Variants in SEMA5A observed in about 807,000 individuals in gnomAD.
The protein encoded by SEMA5A is semaphorin-5A.
Under a neutral mutation model 135.5 loss-of-function variants are expected in SEMA5A, and 55 were observed. That is an observed-to-expected ratio of 0.41 (90% CI 0.33 to 0.51). The LOEUF (loss-of-function observed/expected upper bound fraction) is 0.51, where lower values mean the gene tolerates loss of function less well. SEMA5A is among the 20% of genes least tolerant of loss of function. SEMA5A has a pLI of 0.37. For missense variants in SEMA5A, 1,290 were observed against 1,419.9 expected (o/e 0.91, Z 1.47); for synonymous variants, 580 against 546.5 (o/e 1.06, Z -0.85).
intron 5 of SEMA5A, chr5:9,280,826 A>T (rs961646339): frequency 2.3e-6 from 1 of 430,310 alleles, no homozygotes; most frequent in South Asian, 1.7e-5. Flanking sequence ...AAATTGTTCC[A>T]ATTATGAATA....
At chr5:9,225,568 C>CAAAAAAAAAA (rs3034595) in intron 7 of SEMA5A, among the ~76,000 whole-genome samples, 18 of 112,318 alleles carry the variant, frequency 1.6e-4, no homozygotes, top group African/African-American at 5.4e-4. Context: ...GACTCTGTCT[C>CAAAAAAAAAA]AAAAAAAAAA....
intron 2 of SEMA5A, among the ~76,000 whole-genome samples, chr5:9,393,703 C>T (rs886879858): frequency 2.6e-5 from 4 of 152,072 alleles, no homozygotes; most frequent in Admixed American, 6.6e-5. Context: ...AGGAAAGACA[C>T]GTCTAACAAA....
At chr5:9,460,717 A>G (rs796455136) in intron 1 of SEMA5A, among the ~76,000 whole-genome samples, 3 of 152,296 alleles carry the variant, frequency 2.0e-5, no homozygotes, top group African/African-American at 7.2e-5. Context: ...GAACTCCCAG[A>G]TATTAAGGGA....
At chr5:9,342,885 T>A (rs1001868072) in intron 3 of SEMA5A, among the ~76,000 whole-genome samples, 3 of 152,230 alleles carry the variant, frequency 2.0e-5, no homozygotes, top group Non-Finnish European at 2.9e-5. Flanking sequence ...GCATAGTTTT[T>A]GTGGTTCTAG....
At chr5:9,138,787 C>T (rs1314926777) in intron 12 of SEMA5A, among the ~76,000 whole-genome samples, 1 of 152,170 alleles carries the variant, frequency 6.6e-6, no homozygotes, top group Non-Finnish European at 1.5e-5. Context: ...TCCCCAAAGT[C>T]CATTGTGTCA....
In SEMA5A at chr5:9,122,727, G is replaced by A. The variant is rs138508684; in HGVS notation, c.1710C>T (p.Cys570=). Residue 570 remains cysteine (C), a synonymous_variant, in exon 14 of 23, where the codon TGC becomes TGT. Transcript: ENST00000382496. The part of the protein sequence containing the change: ...VGSCLCRTRS[C]DSPAPQCGGW... ...CACCACACTGCGGGGCCGGGCTGTC[G>A]CAGGAGCGGGTTCGACAGAGGCAGG... 423 of 1,613,446 alleles carry A rather than the reference G, an allele frequency of 2.6e-4. 4 individuals are homozygous for A. The East Asian group carries it at 8.0e-3, about 30-fold the overall frequency.
At chr5:9,388,702 A>G (rs1756008554) in intron 2 of SEMA5A, among the ~76,000 whole-genome samples, 1 of 152,118 alleles carries the variant, frequency 6.6e-6, no homozygotes, top group Non-Finnish European at 1.5e-5. Flanking sequence ...GATCAAGACC[A>G]TCCTGGCTAA....
rs529649503 is a variant in SEMA5A at position 9,447,548 on chromosome 5, A to C, written c.-174-9696T>G. 2.0e-5 allele frequency among the ~76,000 whole-genome samples: 3 copies of C among 152,334 alleles called. No individual in the cohort carries two copies. In the South Asian group the frequency reaches 6.2e-4, roughly 32 times the overall value. ...TAGCATCTCATTTTCGCATTACGGC[A>C]TGCAGGCAACTTGCTCAGGAATGTG... On this transcript the variant is annotated intron_variant, in intron 1 of 22. Coordinates refer to ENST00000382496, the MANE Select transcript of SEMA5A (RefSeq NM_003966.3).
chr5:9,473,226 T>G (rs565697718), intron 1 of SEMA5A, among the ~76,000 whole-genome samples: 1 of 146,082 alleles, frequency 6.8e-6, no homozygotes, highest in Non-Finnish European at 1.5e-5. Context: ...AAAAGAATGA[T>G]AAAAGTCAGC....
At chr5:9,240,156 A>G in intron 5 of SEMA5A, among the ~76,000 whole-genome samples, 1 of 152,098 alleles carries the variant, frequency 6.6e-6, no homozygotes, top group East Asian at 1.9e-4. Context: ...TAGACCAATA[A>G]TAAATATGAC....
At chr5:9,356,694 C>T (rs16882504) in intron 3 of SEMA5A, among the ~76,000 whole-genome samples, 3,490 of 152,202 alleles carry the variant, frequency 0.023, 126 homozygotes, top group African/African-American at 0.079. Context: ...TCTTTGTTTG[C>T]AACCGGGGTT....
chr5:9,229,081 C>T (rs1377714889), intron 6 of SEMA5A, among the ~76,000 whole-genome samples: 2 of 152,198 alleles, frequency 1.3e-5, no homozygotes, highest in Non-Finnish European at 2.9e-5. Flanking sequence ...GCGAGCACCA[C>T]TCCTGGCTCA....
intron 2 of SEMA5A, among the ~76,000 whole-genome samples, chr5:9,408,882 C>T (rs1417093231): frequency 6.6e-6 from 1 of 151,912 alleles, no homozygotes; most frequent in African/African-American, 2.4e-5. Context: ...AGAGATTTTT[C>T]TAACAACAGA....
intron 3 of SEMA5A, among the ~76,000 whole-genome samples, chr5:9,338,574 A>G (rs867152819): frequency 6.6e-6 from 1 of 152,182 alleles, no homozygotes; most frequent in Non-Finnish European, 1.5e-5. Flanking sequence ...TTTTAACACT[A>G]AAAAATATTC....
At chr5:9,076,179 T>A (rs1204053726) in intron 16 of SEMA5A, among the ~76,000 whole-genome samples, 2 of 132,582 alleles carry the variant, frequency 1.5e-5, no homozygotes, top group African/African-American at 5.9e-5. Flanking sequence ...CACTCCAACC[T>A]GGTGAGAGAG....
At chr5:9,504,631 C>T (rs1579648476) in intron 1 of SEMA5A, among the ~76,000 whole-genome samples, 1 of 152,140 alleles carries the variant, frequency 6.6e-6, no homozygotes, top group South Asian at 2.1e-4. Flanking sequence ...GTAGAGCTGC[C>T]CCTGAAGAGG....
intron 15 of SEMA5A, among the ~76,000 whole-genome samples, chr5:9,118,751 T>TC (rs1424459480): frequency 1.3e-5 from 2 of 152,134 alleles, no homozygotes; most frequent in African/African-American, 4.8e-5. Flanking sequence ...GGTACTCTAA[T>TC]CCCTTGGCAA....
chr5:9,201,839 A>G, intron 9 of SEMA5A, 116 bp downstream of exon 9: 2 of 999,954 alleles, frequency 2.0e-6, no homozygotes, highest in Non-Finnish European at 2.9e-6. Context: ...CTGTTAGCCC[A>G]GTAAATTAAG....
At chr5:9,216,338 T>C (rs2150397787) in intron 8 of SEMA5A, among the ~76,000 whole-genome samples, 1 of 152,376 alleles carries the variant, frequency 6.6e-6, no homozygotes, top group African/African-American at 2.4e-5. Flanking sequence ...TATTGCACTG[T>C]GACATGAAAG....
Sources: gnomAD v4.1 joint callset for allele counts (sites outside exome capture counted in the v4.1 genomes callset) on GRCh38, gnomAD v4.1.1 for gene constraint, MANE v1.5 for transcripts, NCBI Gene and HGNC (gene_info 2026-07-23, HGNC 2026-07-21) for gene names.